LDAH: variants seen among roughly 807,000 people sequenced by gnomAD.
LDAH encodes lipid droplet-associated hydrolase.
Under a neutral mutation model 29.6 loss-of-function variants are expected in LDAH, and 26 were observed. The ratio of observed to expected loss-of-function variants is 0.88; its 90% CI spans 0.64 to 1.22. LDAH has a LOEUF of 1.22. Ranked by LOEUF, LDAH falls within the 50% of genes most tolerant of loss-of-function variation. LDAH has a pLI of 0.00. For synonymous variants in LDAH, 117 were observed against 133.0 expected (o/e 0.88, Z 0.83); for missense variants, 344 against 387.3 (o/e 0.89, Z 0.94).
intron 1 of LDAH, among the ~76,000 whole-genome samples, chr2:20,812,817 T>G (rs751827048): frequency 6.6e-5 from 10 of 152,184 alleles, no homozygotes; most frequent in Non-Finnish European, 1.5e-4. Context: ...AAGGCAACAG[T>G]AAGAACTAAT....
intron 5 of LDAH, among the ~76,000 whole-genome samples, chr2:20,711,502 A>G (rs566971991): frequency 3.9e-5 from 6 of 152,190 alleles, no homozygotes; most frequent in African/African-American, 1.2e-4. Context: ...TGCATTTCCA[A>G]CTGAGGTACC....
chr2:20,745,970 C>T (rs1667543529), intron 4 of LDAH, among the ~76,000 whole-genome samples: 2 of 151,944 alleles, frequency 1.3e-5, no homozygotes, highest in Non-Finnish European at 2.9e-5. Context: ...CTAAGAGATG[C>T]TTGGAAAAAT....
In LDAH at chr2:20,739,987, T is replaced by C. The variant is rs1415838266; in HGVS notation, c.687A>G (p.Leu229=). The C allele has an allele frequency of 1.9e-6, 3 of 1,613,302 alleles. No individual in the cohort carries two copies. Among genetic ancestry groups the C allele is most frequent in the Non-Finnish European group, 1.7e-6 (2 of 1,179,300 alleles). The change falls in exon 5 of 7, where the codon TTA becomes TTG. Residue 229 remains leucine (L), a synonymous_variant. Transcript: ENST00000237822. ...TGTGCTTACCAAGGCAGAATGGTTC[T>C]AATATATTCAATGGTGAAAATTCAT... ...LENEFSPLNI[L]EPFCLANAAY...
At chr2:20,752,655 C>T (rs796222204) in intron 4 of LDAH, among the ~76,000 whole-genome samples, 33 of 152,334 alleles carry the variant, frequency 2.2e-4, no homozygotes, top group African/African-American at 7.9e-4. Flanking sequence ...TAGTTTCCAG[C>T]AGCTGCTGTA....
At chr2:20,805,127 A>C (rs775260415) in intron 1 of LDAH, among the ~76,000 whole-genome samples, 209 of 152,310 alleles carry the variant, frequency 1.4e-3, no homozygotes, top group Admixed American at 3.2e-3. Flanking sequence ...TCAAATCATA[A>C]ATATCAATAC....
chr2:20,772,487 C>T (rs1278474262), intron 4 of LDAH, among the ~76,000 whole-genome samples: 1 of 152,202 alleles, frequency 6.6e-6, no homozygotes, highest in African/African-American at 2.4e-5. Context: ...CTTGACTGCA[C>T]AACACACAAG....
intron 5 of LDAH, among the ~76,000 whole-genome samples, chr2:20,728,686 G>A (rs1312753467): frequency 6.6e-6 from 1 of 152,066 alleles, no homozygotes; most frequent in Non-Finnish European, 1.5e-5. Context: ...GGAAGAGGCT[G>A]GCTACTAGGA....
intron 5 of LDAH, among the ~76,000 whole-genome samples, chr2:20,719,321 A>G (rs1018490139): frequency 1.3e-5 from 2 of 151,802 alleles, no homozygotes; most frequent in Admixed American, 1.3e-4. Flanking sequence ...AACTGGTACC[A>G]GAAAAATAGA....
chr2:20,789,636 T>C (rs1670807956), intron 3 of LDAH, among the ~76,000 whole-genome samples: 1 of 152,070 alleles, frequency 6.6e-6, no homozygotes, highest in Non-Finnish European at 1.5e-5. Flanking sequence ...TTCTTTAAAG[T>C]AAAGAACATG....
At chr2:20,798,463 A>G (rs1206905402) in intron 2 of LDAH, among the ~76,000 whole-genome samples, 1 of 152,110 alleles carries the variant, frequency 6.6e-6, no homozygotes, top group Non-Finnish European at 1.5e-5. Flanking sequence ...AAAACTAAGC[A>G]AAAAGATAAC....
chr2:20,768,416 G>T (rs1247774420), intron 4 of LDAH, among the ~76,000 whole-genome samples: 2 of 152,210 alleles, frequency 1.3e-5, no homozygotes, highest in Admixed American at 1.3e-4. Flanking sequence ...TGGTCCAGCT[G>T]CAGCCTCACA....
chr2:20,756,232 A>C (rs1049396583), intron 4 of LDAH, among the ~76,000 whole-genome samples: 9 of 152,012 alleles, frequency 5.9e-5, no homozygotes, highest in African/African-American at 2.2e-4. Context: ...ACGGGGTTTC[A>C]CCATATTGGT....
At chr2:20,764,364 G>A (rs150016544) in intron 4 of LDAH, among the ~76,000 whole-genome samples, 12 of 152,268 alleles carry the variant, frequency 7.9e-5, no homozygotes, top group African/African-American at 2.4e-4. Context: ...TGTTTTTCAC[G>A]CAGCAGGATT....
intron 5 of LDAH, among the ~76,000 whole-genome samples, chr2:20,712,732 G>A (rs1277046703): frequency 2.6e-5 from 4 of 152,260 alleles, no homozygotes; most frequent in South Asian, 2.1e-4. Flanking sequence ...CAAGAACTAC[G>A]TGATGCCTGC....
At chr2:20,787,697 T>C (rs747728771) in intron 3 of LDAH, among the ~76,000 whole-genome samples, 2 of 152,234 alleles carry the variant, frequency 1.3e-5, no homozygotes, top group Non-Finnish European at 2.9e-5. Context: ...AATTCTATGC[T>C]AAATATTTTC....
chr2:20,789,258 T>A (rs1364333375), intron 3 of LDAH: 1 of 1,550,530 alleles, frequency 6.4e-7, no homozygotes, highest in African/African-American at 1.4e-5. Context: ...TAGGATCAGA[T>A]GGGGTCATGA....
chr2:20,732,626 T>A (rs146670259), intron 5 of LDAH, among the ~76,000 whole-genome samples: 5 of 152,370 alleles, frequency 3.3e-5, no homozygotes, highest in South Asian at 2.1e-4. Context: ...GTGTCCACAT[T>A]TGAAGAATTG....
chr2:20,697,033 C>T (rs190379991), intron 6 of LDAH, among the ~76,000 whole-genome samples: 501 of 152,280 alleles, frequency 3.3e-3, no homozygotes, highest in Non-Finnish European at 5.5e-3. Context: ...TTAACTACAG[C>T]CTCATCACTC....
At chr2:20,815,595 G>A (rs973629039) in intron 1 of LDAH, among the ~76,000 whole-genome samples, 1 of 152,066 alleles carries the variant, frequency 6.6e-6, no homozygotes, top group African/African-American at 2.4e-5. Flanking sequence ...TTTCTCATCA[G>A]AAATCATGGA....
Sources: gnomAD v4.1 joint callset for allele counts (sites outside exome capture counted in the v4.1 genomes callset) on GRCh38, gnomAD v4.1.1 for gene constraint, MANE v1.5 for transcripts, NCBI Gene and HGNC (gene_info 2026-07-23, HGNC 2026-07-21) for gene names.